Variants in PRDM15 observed in about 807,000 individuals in gnomAD.
PRDM15 encodes the protein PR/SET domain 15.
PRDM15 carries 64 observed loss-of-function variants against 128.6 expected under a neutral mutation model. The observed-to-expected ratio is 0.50, with a 90% CI of 0.41 to 0.61. The LOEUF (loss-of-function observed/expected upper bound fraction) is 0.61, where lower values mean the gene tolerates loss of function less well. PRDM15 is among the 20% of genes least tolerant of loss of function. The pLI, the probability that PRDM15 is intolerant of heterozygous loss-of-function variation, is 0.00. For synonymous variants in PRDM15, 615 were observed against 621.8 expected, an observed-to-expected ratio of 0.99 and a Z score of 0.16; for missense variants, 1,242 against 1,569.1, an observed-to-expected ratio of 0.79 and a Z score of 3.52.
rs796610408 is a variant in PRDM15, at chr21:41,805,862, TAAC to T, written c.2653-1251_2653-1249del. Reference sequence around the variant, plus strand: ...CCAACACAACCACCTCCATCACCATTAACAACACCATCACCACCCCCTCCATCA... The same window carrying T: ...CCAACACAACCACCTCCATCACCATTAACACCATCACCACCCCCTCCATCA... On this transcript the variant is annotated intron_variant, in intron 21 of 23. Transcript: ENST00000398548. Among the ~76,000 whole-genome samples the T allele has an allele frequency of 3.4e-4, 41 of 120,018 alleles. 1 individual carries two copies. Among genetic ancestry groups the T allele is most frequent in the Admixed American group, 4.2e-4 (5 of 11,928 alleles). 78.7% of individuals were successfully genotyped at this position (120,018 alleles called of 152,430 possible). A position where few individuals can be genotyped will look rare whatever the true frequency, so the allele number is the denominator to read the frequency against.
intron 11 of PRDM15, 69 bp downstream of exon 11, chr21:41,835,368 C>T (rs952785743): frequency 2.5e-5 from 32 of 1,277,096 alleles, no homozygotes; most frequent in Admixed American, 2.0e-4. Context: ...TAAAGTTCCA[C>T]GGTCTCCGCG....
At position 41,821,075 on chromosome 21, in the gene PRDM15, G is replaced by C; in HGVS notation, c.2052C>G (p.Asn684Lys). The change falls in exon 16 of 24, where the codon AAC becomes AAG. Residue 684 changes from asparagine to lysine, a missense_variant. Coordinates refer to ENST00000398548, the MANE Select transcript of PRDM15 (RefSeq NM_001040424.3). The surrounding 1 kb of genome is among the most constrained non-coding windows in gnomAD (Gnocchi z 5.4). Reference protein sequence around the residue: ...VIHRENLPDPNVQKYIHPCEI... With the variant: ...VIHRENLPDPKVQKYIHPCEI... ...CCCCGACCAGGCCTCACTTCTGCAC[G>C]TTGGGGTCCGGCAGGTTTTCACGGT... 6.2e-7 allele frequency: 1 copy of C among 1,614,202 alleles called. No homozygotes were observed. Among genetic ancestry groups the C allele is most frequent in the Non-Finnish European group, 8.5e-7 (1 of 1,180,030 alleles).
intron 1 of PRDM15, among the ~76,000 whole-genome samples, chr21:41,873,396 C>T (rs763192906): frequency 3.3e-5 from 5 of 152,228 alleles, no homozygotes; most frequent in East Asian, 1.9e-4. Context: ...TCACTCCGAA[C>T]GCCCAATGTC....
At chr21:41,867,493 T>A in intron 1 of PRDM15, 1 of 791,038 alleles carries the variant, frequency 1.3e-6, no homozygotes, top group Non-Finnish European at 2.1e-6. Flanking sequence ...AGCGCAGTGG[T>A]TTTTCACAGG....
intron 22 of PRDM15, among the ~76,000 whole-genome samples, chr21:41,803,374 GGAAC>G (rs775065347): frequency 4.1e-4 from 62 of 152,208 alleles, no homozygotes; most frequent in Non-Finnish European, 5.4e-4. Context: ...GCAGGGACAG[GGAAC>G]GAGGGCCCAG....
intron 1 of PRDM15, chr21:41,861,875 T>A: frequency 6.3e-7 from 1 of 1,579,528 alleles, no homozygotes; most frequent in East Asian, 2.3e-5. Flanking sequence ...GGGAGGGGGG[T>A]GAAATTTTCT....
chr21:41,839,744 T>C lies in PRDM15; in HGVS notation c.750A>G (p.Ala250=). The part of the protein sequence containing the change: ...EQDTPRGEPP[A]VPESENVATK... ...TGGCAACATTCTCGCTCTCGGGCAC[T>C]GCAGGGGGTTCCCCCCGGGGTGTGT... Residue 250 remains alanine (A), a synonymous_variant, in exon 7 of 24, where the codon GCA becomes GCG. Coordinates refer to ENST00000398548, the MANE Select transcript of PRDM15 (RefSeq NM_001040424.3). 5.0e-6 allele frequency: 8 copies of C among 1,614,282 alleles called. No individual in the cohort carries two copies. Among genetic ancestry groups the C allele is most frequent in the Non-Finnish European group, 6.8e-6 (8 of 1,180,046 alleles).
intron 18 of PRDM15, among the ~76,000 whole-genome samples, chr21:41,818,561 G>A (rs1202925477): frequency 6.6e-6 from 1 of 152,190 alleles, no homozygotes; most frequent in African/African-American, 2.4e-5. Flanking sequence ...CAGGAAGTGG[G>A]GAAAGGAAAG....
chr21:41,847,253 C>T, intron 5 of PRDM15, 62 bp from the exon 6 acceptor site: 1 of 1,197,012 alleles, frequency 8.4e-7, no homozygotes, highest in South Asian at 1.4e-5. Context: ...CTCCATGAAT[C>T]CCGGCGCAGC....
chr21:41,809,654 C>G (rs972817266), intron 21 of PRDM15, among the ~76,000 whole-genome samples: 12 of 152,288 alleles, frequency 7.9e-5, no homozygotes, highest in Admixed American at 7.2e-4. Flanking sequence ...GACCTGACAA[C>G]TAAGTTTTCC....
chr21:41,878,010 C>T (rs945535185), intron 1 of PRDM15, among the ~76,000 whole-genome samples: 3 of 152,226 alleles, frequency 2.0e-5, no homozygotes, highest in Admixed American at 2.0e-4. Context: ...TGAAAATGTC[C>T]GAGCTTGAAA....
chr21:41,868,910 G>A (rs954361546), intron 1 of PRDM15, among the ~76,000 whole-genome samples: 6 of 151,890 alleles, frequency 4.0e-5, no homozygotes, highest in African/African-American at 1.2e-4. Flanking sequence ...GGCTGGTCTC[G>A]AACTCCTCAC....
intron 11 of PRDM15, among the ~76,000 whole-genome samples, chr21:41,830,742 G>A (rs1383513201): frequency 6.6e-6 from 1 of 152,032 alleles, no homozygotes; most frequent in African/African-American, 2.4e-5. Context: ...CACAGTCCAT[G>A]AAGCTTCCAG....
intron 18 of PRDM15, among the ~76,000 whole-genome samples, chr21:41,817,756 G>A (rs1275074585): frequency 6.6e-6 from 1 of 152,098 alleles, no homozygotes; most frequent in East Asian, 1.9e-4. Context: ...ACAAGCATGC[G>A]CTGGTATGTA....
chr21:41,847,176 T>C lies in PRDM15; in HGVS notation c.554A>G (p.Glu185Gly). The change falls in exon 6 of 24, where the codon GAA (glutamate) becomes GGA (glycine). Residue 185 changes from glutamate to glycine, a missense_variant. Transcript: ENST00000398548. ...GSGVHAAGTPENSAPVESEPS... is the reference protein window; with the variant it reads ...GSGVHAAGTPGNSAPVESEPS... ...CTCCGACTCCACGGGGGCGCTGTTT[T>C]CTGGGGTGCCTGCAGCTTCAAAAGA... 1 of 1,553,034 alleles carries C rather than the reference T, an allele frequency of 6.4e-7. No individual in the cohort carries two copies. Among genetic ancestry groups the C allele is most frequent in the Non-Finnish European group, 8.7e-7 (1 of 1,147,456 alleles).
chr21:41,827,027 G>A (rs764598450), intron 12 of PRDM15, among the ~76,000 whole-genome samples: 1 of 152,160 alleles, frequency 6.6e-6, no homozygotes, highest in Non-Finnish European at 1.5e-5. Context: ...TCAAGAGCAG[G>A]GTCTGGTGCA....
rs940473960 is a variant in PRDM15 at position 41,857,305 on chromosome 21, C to T, written c.156G>A (p.Glu52=). 2.5e-6 allele frequency: 4 copies of T among 1,613,820 alleles called. No individual in the cohort carries two copies. Among genetic ancestry groups the T allele is most frequent in the Admixed American group, 1.7e-5 (1 of 60,006 alleles). ...CGGCTCCATCTTCCAGTCGTCTGAT[C>T]TCCAAGTTGGGAGGAAGGGATGACC... is the stretch of plus-strand genomic sequence containing the variant. The part of the protein sequence containing the change: ...RARSSLPPNL[E]IRRLEDGAEG... The change falls in exon 4 of 24, where the codon GAG becomes GAA. Residue 52 remains glutamate (E), a synonymous_variant. Coordinates refer to ENST00000398548, the MANE Select transcript of PRDM15 (RefSeq NM_001040424.3).
At chr21:41,806,918 C>T (rs967822697) in intron 21 of PRDM15, among the ~76,000 whole-genome samples, 55 of 151,312 alleles carry the variant, frequency 3.6e-4, no homozygotes, top group African/African-American at 1.3e-3. Context: ...ACTACCATCC[C>T]TATCACCACT....
At chr21:41,861,527 C>A in intron 1 of PRDM15, 1 of 1,523,464 alleles carries the variant, frequency 6.6e-7, no homozygotes, top group South Asian at 1.2e-5. Context: ...ATGATTATTC[C>A]TCCTCTGCCC....
Sources: gnomAD v4.1 joint callset for allele counts (sites outside exome capture counted in the v4.1 genomes callset) on GRCh38, gnomAD v4.1.1 for gene constraint, Gnocchi (gnomAD v3.1) non-coding constraint, MANE v1.5 for transcripts, NCBI Gene and HGNC (gene_info 2026-07-23, HGNC 2026-07-21) for gene names.